WDFY4: variants seen among roughly 807,000 people sequenced by gnomAD.
WDFY4 encodes WDFY family member 4.
WDFY4 carries 169 observed loss-of-function variants against 351.9 expected under a neutral mutation model. That is an observed-to-expected ratio of 0.48 (90% CI 0.42 to 0.55). The LOEUF (loss-of-function observed/expected upper bound fraction) is 0.55. Among genes scored for constraint, WDFY4 ranks in the 20% least tolerant of loss-of-function variants. The pLI, the probability that WDFY4 is intolerant of heterozygous loss-of-function variation, is 0.00. For missense variants in WDFY4, 3,803 were observed against 3,935.6 expected, an observed-to-expected ratio of 0.97 and a Z score of 0.90; for synonymous variants, 1,622 against 1,574.6, an observed-to-expected ratio of 1.03 and a Z score of -0.71.
intron 47 of WDFY4, among the ~76,000 whole-genome samples, chr10:48,908,822 G>C (rs1837766770): frequency 6.6e-6 from 1 of 152,160 alleles, no homozygotes; most frequent in Non-Finnish European, 1.5e-5. Flanking sequence ...ATCACATGTA[G>C]ATTTGAGTAA....
intron 47 of WDFY4, among the ~76,000 whole-genome samples, chr10:48,912,709 AAC>A (rs1301600148): frequency 2.6e-5 from 4 of 152,238 alleles, no homozygotes; most frequent in Admixed American, 2.6e-4. Context: ...GATCTGGAAA[AAC>A]ACTGAATGTA....
At chr10:48,731,025 C>A in intron 8 of WDFY4, 85 bp from the exon 9 acceptor site, 1 of 1,375,422 alleles carries the variant, frequency 7.3e-7, no homozygotes, top group Non-Finnish European at 9.7e-7. Context: ...CTTCAAATGG[C>A]ATGCCCTCTT....
chr10:48,904,436 A>G (rs1267746243), intron 47 of WDFY4, among the ~76,000 whole-genome samples: 1 of 152,194 alleles, frequency 6.6e-6, no homozygotes, highest in Non-Finnish European at 1.5e-5. Context: ...AGCTATTTCA[A>G]ACTAATTGAA....
intron 25 of WDFY4, among the ~76,000 whole-genome samples, chr10:48,803,646 C>A (rs890692883): frequency 1.3e-5 from 2 of 152,194 alleles, no homozygotes; most frequent in South Asian, 2.1e-4. Flanking sequence ...CTCTAACTGA[C>A]TTCTCCAAGG....
chr10:48,805,546 T>G, intron 26 of WDFY4, 125 bp downstream of exon 26: 1 of 1,339,274 alleles, frequency 7.5e-7, no homozygotes. Flanking sequence ...TAGGAATTTT[T>G]GCCCAGGGCT....
intron 47 of WDFY4, chr10:48,935,178 C>T (rs992226137): frequency 9.2e-5 from 14 of 152,308 alleles, no homozygotes; most frequent in Admixed American, 6.5e-4. Context: ...AAAACTTACC[C>T]TGCTAGTCCC....
chr10:48,832,031 G>A (rs7908454), intron 38 of WDFY4, among the ~76,000 whole-genome samples: 87,764 of 151,910 alleles, frequency 0.58, 26,229 homozygotes, highest in East Asian at 0.83. Context: ...AGCAATACCT[G>A]TCTACTTTCA....
intron 45 of WDFY4, among the ~76,000 whole-genome samples, chr10:48,897,834 G>C (rs1172748278): frequency 6.6e-6 from 1 of 152,250 alleles, no homozygotes; most frequent in African/African-American, 2.4e-5. Flanking sequence ...GGATTTAGCT[G>C]CTTCGCTGTT....
chr10:48,715,719 A>G (rs917845438), intron 2 of WDFY4, among the ~76,000 whole-genome samples: 1 of 151,950 alleles, frequency 6.6e-6, no homozygotes, highest in African/African-American at 2.4e-5. Context: ...TCCGCCTCCC[A>G]GATTCATGCC....
intron 35 of WDFY4, among the ~76,000 whole-genome samples, chr10:48,825,924 ATAGTTTATTTTGCTG>A (rs1178525722): frequency 2.0e-5 from 3 of 151,926 alleles, no homozygotes; most frequent in Non-Finnish European, 4.4e-5. Flanking sequence ...TGCTCTGATG[ATAGTTTATTTTGCTG>A]TGCAGAAGCT....
At position 48,743,532 on chromosome 10, in the gene WDFY4, C is replaced by A; in HGVS notation, c.2443C>A (p.Pro815Thr). The A allele has an allele frequency of 6.5e-7, 1 of 1,535,114 alleles. No homozygotes were observed. Among genetic ancestry groups the A allele is most frequent in the South Asian group, 1.2e-5 (1 of 83,988 alleles). The change falls in exon 12 of 62, where the codon CCA becomes ACA. Residue 815 changes from proline (P) to threonine (T), a missense_variant. This residue lies in a region of WDFY4 where 3,054 missense variants were observed against 3,148.6 expected (regional missense o/e 0.97). Coordinates refer to ENST00000325239, the MANE Select transcript of WDFY4 (RefSeq NM_001394531.1). ...CCCCCAACGCAACTTCAAGCAGTGG[C>A]CAGACCTGGAGGAGAGGTAGCTTCT... ...SDPQRNFKQWPDLEERMDEGD... is the reference protein window; with the variant it reads ...SDPQRNFKQWTDLEERMDEGD...
chr10:48,833,172 T>TGAGAGAGA (rs35354863), intron 39 of WDFY4, among the ~76,000 whole-genome samples: 220 of 135,900 alleles, frequency 1.6e-3, no homozygotes, highest in African/African-American at 3.7e-3. Flanking sequence ...TGTGTGTGTG[T>TGAGAGAGA]GAGAGAGAGA....
At chr10:48,895,356 G>A (rs930166457) in intron 44 of WDFY4, among the ~76,000 whole-genome samples, 4 of 152,228 alleles carry the variant, frequency 2.6e-5, no homozygotes, top group African/African-American at 9.6e-5. Context: ...TGGAATGGGA[G>A]AAGCTGAAAC....
intron 47 of WDFY4, among the ~76,000 whole-genome samples, chr10:48,903,073 G>A (rs1837440771): frequency 6.6e-6 from 1 of 152,124 alleles, no homozygotes; most frequent in South Asian, 2.1e-4. Context: ...TCGCGCCACT[G>A]CACTCCAGCC....
intron 23 of WDFY4, among the ~76,000 whole-genome samples, chr10:48,795,379 C>T (rs2066821369): frequency 6.6e-6 from 1 of 151,216 alleles, no homozygotes; most frequent in Admixed American, 6.6e-5. Flanking sequence ...GTCAGTTTGA[C>T]ATTTGACACT....
At chr10:48,793,178 G>A (rs1001746628) in intron 23 of WDFY4, among the ~76,000 whole-genome samples, 4 of 152,184 alleles carry the variant, frequency 2.6e-5, no homozygotes, top group Non-Finnish European at 4.4e-5. Context: ...GATGTGAGGT[G>A]AACAAGGTGG....
intron 41 of WDFY4, among the ~76,000 whole-genome samples, chr10:48,874,783 G>A (rs917683337): frequency 1.9e-4 from 29 of 152,162 alleles, no homozygotes; most frequent in Admixed American, 7.2e-4. Flanking sequence ...CCCCTCTCCA[G>A]GGTGTCCTAC....
At chr10:48,811,426 C>G (rs1234806099) in intron 29 of WDFY4, 113 bp from the exon 30 acceptor site, 1 of 875,842 alleles carries the variant, frequency 1.1e-6, no homozygotes, top group Non-Finnish European at 1.7e-6. Context: ...TTTTATCATC[C>G]AGCATTTCTA....
Position 48,873,543 on chromosome 10 carries a change from A to G in WDFY4, c.6794A>G (p.Glu2265Gly), listed in dbSNP as rs962503379. ...KAANAWARIQEQLFGELGLWS... is the reference protein window; with the variant it reads ...KAANAWARIQGQLFGELGLWS... ...GCCAACGCCTGGGCCAGGATCCAGG[A>G]GCAGCTTTTTGGGGAGCTGGGCTTG... is the stretch of plus-strand genomic sequence containing the variant. Residue 2265 changes from glutamate to glycine, a missense_variant, in exon 41 of 62, where the codon GAG becomes GGG. Physicochemically the swap from Glu to Gly is moderately conservative, Grantham distance 98. Transcript: ENST00000325239. 1.3e-6 allele frequency: 2 copies of G among 1,551,598 alleles called. No individual in the cohort carries two copies. The highest frequency in any genetic ancestry group is 2.7e-5 in the African/African-American group (2 of 73,048).
Sources: gnomAD v4.1 joint callset for allele counts (sites outside exome capture counted in the v4.1 genomes callset) on GRCh38, gnomAD v4.1.1 for gene constraint, gnomAD v4.1.1 regional missense constraint, MANE v1.5 for transcripts, NCBI Gene and HGNC (gene_info 2026-07-23, HGNC 2026-07-21) for gene names.